The following IL12RB2 variants were observed in gnomAD, a reference collection of about 807,000 sequenced individuals.
IL12RB2 encodes the protein interleukin 12 receptor subunit beta 2, also known as interleukin-12 receptor subunit beta-2.
IL12RB2 carries 82 observed loss-of-function variants against 89.4 expected under a neutral mutation model. The ratio of observed to expected loss-of-function variants is 0.92; its 90% CI spans 0.77 to 1.10. IL12RB2 has a LOEUF of 1.10. Ranked by LOEUF, IL12RB2 falls within the 50% of genes least tolerant of loss-of-function variation. The probability of loss-of-function intolerance (pLI) is 0.00; values close to 1 mark genes in which losing one functional copy is unlikely to be tolerated. For missense variants in IL12RB2, 963 were observed against 1,031.9 expected (o/e 0.93, Z 0.92); for synonymous variants, 368 against 370.1 (o/e 0.99, Z 0.07).
intron 5 of IL12RB2, among the ~76,000 whole-genome samples, chr1:67,327,197 GATCC>G (rs537751765): frequency 2.8e-4 from 42 of 152,154 alleles, no homozygotes; most frequent in Middle Eastern, 3.4e-3. Context: ...TTGACCTCGT[GATCC>G]ACCCGCCTCA....
chr1:67,346,919 G>T (rs1660302605), intron 9 of IL12RB2, among the ~76,000 whole-genome samples: 1 of 152,104 alleles, frequency 6.6e-6, no homozygotes, highest in Non-Finnish European at 1.5e-5. Flanking sequence ...TGACAATCAT[G>T]ATATTTTTAT....
chr1:67,307,810 C>G (rs1228594500), upstream of IL12RB2: 2 of 152,174 alleles, frequency 1.3e-5, no homozygotes, highest in Admixed American at 1.3e-4. Context: ...GAGTTGGTGG[C>G]GCAGAGGCGG....
chr1:67,334,819 A>G (rs1243342722), intron 8 of IL12RB2, among the ~76,000 whole-genome samples: 1 of 152,010 alleles, frequency 6.6e-6, no homozygotes, highest in Non-Finnish European at 1.5e-5. Context: ...TATCAAAACC[A>G]TTTTCTTACA....
At chr1:67,350,733 C>A in intron 9 of IL12RB2, 137 bp from the exon 10 acceptor site, 1 of 1,520,756 alleles carries the variant, frequency 6.6e-7, no homozygotes, top group Non-Finnish European at 8.9e-7. Flanking sequence ...AAGTGTGTAG[C>A]AGGGAACATG....
At chr1:67,329,150 A>G (rs1569817400) in intron 6 of IL12RB2, among the ~76,000 whole-genome samples, 1 of 152,258 alleles carries the variant, frequency 6.6e-6, no homozygotes, top group Admixed American at 6.5e-5. Flanking sequence ...TCTCTAGGCT[A>G]CCTTCTCGCC....
At chr1:67,327,022 G>A (rs1032770255) in intron 5 of IL12RB2, among the ~76,000 whole-genome samples, 173 bp downstream of exon 5, 8 of 151,128 alleles carry the variant, frequency 5.3e-5, no homozygotes, top group Non-Finnish European at 7.4e-5. Context: ...GTGCAGTGGC[G>A]CAATCTCGGC....
Position 67,338,692 on chromosome 1 carries a change from CT to C in IL12RB2, c.1031del (p.Phe344SerfsTer5). On this transcript the variant is annotated frameshift_variant, in exon 9 of 17. Coordinates refer to ENST00000674203, the MANE Select transcript of IL12RB2 (RefSeq NM_001374259.2). LOFTEE classifies it high-confidence loss of function. Reference sequence around the variant, plus strand: ...TGACTACAGTAGACAACAGATTTCTCTTTTCTGGAAGGTGAGTTTTAAGCGT... The same window carrying C: ...TGACTACAGTAGACAACAGATTTCTCTTTCTGGAAGGTGAGTTTTAAGCGT... ...HIDYSRQQIS[L>X]FWKNLSVSEA... 6.6e-7 allele frequency: 1 copy of C among 1,509,574 alleles called. No homozygotes were observed. Among genetic ancestry groups the C allele is most frequent in the Non-Finnish European group, 9.2e-7 (1 of 1,084,606 alleles). The allele number at this position is 1,509,574 out of a possible 1,614,324, so 93.5% of individuals were successfully genotyped here. A position where few individuals can be genotyped will look rare whatever the true frequency, so the allele number is the denominator to read the frequency against.
At chr1:67,339,297 G>T (rs1185226726) in intron 9 of IL12RB2, among the ~76,000 whole-genome samples, 2 of 152,016 alleles carry the variant, frequency 1.3e-5, no homozygotes, top group African/African-American at 2.4e-5. Flanking sequence ...GACCAGCCTG[G>T]CCAGCATGGT....
chr1:67,380,679 GC>G (rs1234469389), intron 14 of IL12RB2, among the ~76,000 whole-genome samples: 1 of 152,212 alleles, frequency 6.6e-6, no homozygotes, highest in African/African-American at 2.4e-5. Flanking sequence ...AGTTCTAGAG[GC>G]TAGAAGTCCA....
At chr1:67,350,837 G>A in intron 9 of IL12RB2, 33 bp from the exon 10 acceptor site, 1 of 1,612,294 alleles carries the variant, frequency 6.2e-7, no homozygotes, top group Non-Finnish European at 8.5e-7. Context: ...TCTTGTCTGG[G>A]AGTAAATAGT....
intron 14 of IL12RB2, among the ~76,000 whole-genome samples, chr1:67,384,012 T>C (rs992744917): frequency 1.3e-5 from 2 of 152,220 alleles, no homozygotes; most frequent in African/African-American, 2.4e-5. Context: ...TCCAGGTGCA[T>C]GGTGCAAGCT....
At chr1:67,389,403 AC>A (rs1296090453) in intron 15 of IL12RB2, among the ~76,000 whole-genome samples, 5 of 152,192 alleles carry the variant, frequency 3.3e-5, no homozygotes, top group African/African-American at 1.2e-4. Context: ...TTGTTCATGA[AC>A]TTTAAAAAAA....
chr1:67,353,280 C>T (rs559451933), intron 10 of IL12RB2, among the ~76,000 whole-genome samples: 1 of 152,120 alleles, frequency 6.6e-6, no homozygotes, highest in Non-Finnish European at 1.5e-5. Flanking sequence ...ATCTTAAATA[C>T]ATATTTACAA....
At chr1:67,323,333 C>A (rs890128719) in intron 4 of IL12RB2, among the ~76,000 whole-genome samples, 2 of 152,180 alleles carry the variant, frequency 1.3e-5, no homozygotes, top group African/African-American at 4.8e-5. Flanking sequence ...TGACAGCCTG[C>A]GGTATAGTAG....
intron 9 of IL12RB2, among the ~76,000 whole-genome samples, chr1:67,341,805 CAACT>C (rs1260479648): frequency 6.6e-6 from 1 of 152,208 alleles, no homozygotes; most frequent in African/African-American, 2.4e-5. Flanking sequence ...ACAGGCCACT[CAACT>C]GAGGGTGGGA....
At chr1:67,379,297 G>A (rs1404820371) in intron 13 of IL12RB2, among the ~76,000 whole-genome samples, 4 of 151,066 alleles carry the variant, frequency 2.6e-5, no homozygotes, top group African/African-American at 7.3e-5. Flanking sequence ...ATTACTTGAG[G>A]TCAGGAGTTC....
Position 67,397,756 on chromosome 1 carries a change from C to A in IL12RB2, c.*1667C>A. On this transcript the variant is annotated 3_prime_UTR_variant, in exon 17 of 17. Transcript: ENST00000674203. ...TACTTTTTCTTAAATTCCTGTCAAG[C>A]CTGGGGTCCACCCCGTACCCCTTCC... Among the ~76,000 whole-genome samples, 1 of 152,184 alleles carries A rather than the reference C, an allele frequency of 6.6e-6. No individual in the cohort carries two copies. Among genetic ancestry groups the A allele is most frequent in the East Asian group, 1.9e-4 (1 of 5,190 alleles).
chr1:67,370,086 G>C (rs1016244961), intron 11 of IL12RB2, among the ~76,000 whole-genome samples: 1 of 151,106 alleles, frequency 6.6e-6, no homozygotes, highest in African/African-American at 2.4e-5. Context: ...TTGTTCTCCT[G>C]CTTGGAAACA....
intron 1 of IL12RB2, among the ~76,000 whole-genome samples, chr1:67,309,847 G>A (rs141675737): frequency 1.0e-3 from 153 of 152,074 alleles, no homozygotes; most frequent in Non-Finnish European, 1.4e-3. Flanking sequence ...TTGTAATTAC[G>A]CTCACAGCAC....
Sources: gnomAD v4.1 joint callset for allele counts (sites outside exome capture counted in the v4.1 genomes callset) on GRCh38, gnomAD v4.1.1 for gene constraint, MANE v1.5 for transcripts, NCBI Gene and HGNC (gene_info 2026-07-23, HGNC 2026-07-21) for gene names.